The following RNF152 variants were observed in gnomAD, a reference collection of about 807,000 sequenced individuals.
The protein encoded by RNF152 is ring finger protein 152.
Under a neutral mutation model 12.7 loss-of-function variants are expected in RNF152, and 11 were observed. The observed-to-expected ratio is 0.86, with a 90% CI of 0.54 to 1.43. The LOEUF is 1.43. Ranked by LOEUF, RNF152 falls within the 40% of genes most tolerant of loss-of-function variation. The probability of loss-of-function intolerance (pLI) is 0.00; values close to 1 mark genes in which losing one functional copy is unlikely to be tolerated. For synonymous variants in RNF152, 113 were observed against 120.3 expected, an observed-to-expected ratio of 0.94 and a Z score of 0.40; for missense variants, 255 against 274.8, an observed-to-expected ratio of 0.93 and a Z score of 0.51.
intron 1 of RNF152, among the ~76,000 whole-genome samples, chr18:61,863,554 T>C (rs1252178332): frequency 2.0e-5 from 3 of 152,140 alleles, no homozygotes; most frequent in Non-Finnish European, 2.9e-5. Flanking sequence ...TTAATATCTT[T>C]GGGGAAAAAA....
chr18:61,894,272 G>T (rs1054426301), upstream of RNF152: 1 of 150,774 alleles, frequency 6.6e-6, no homozygotes, highest in Admixed American at 6.6e-5. This position sits in a 1 kb window ranked among gnomAD's most constrained non-coding sequence, Gnocchi z 4.9. Flanking sequence ...GGCGGCCGCC[G>T]CTCCTCCGGC....
chr18:61,864,164 C>T lies in RNF152; in HGVS notation c.-136+28631G>A, dbSNP rs74813643. Among the ~76,000 whole-genome samples the T allele has an allele frequency of 7.9e-5, 12 of 152,254 alleles. No individual in the cohort carries two copies. In the East Asian group the frequency reaches 9.7e-4, roughly 12 times the overall value. On this transcript the variant is annotated intron_variant, in intron 1 of 1. Transcript: ENST00000312828. ...CAATTCCATTTTGACCCTAACTACCCGGAGTCACAGACCCCACAGGTCAGG... is the reference window on the plus strand; with the variant it reads ...CAATTCCATTTTGACCCTAACTACCTGGAGTCACAGACCCCACAGGTCAGG...
chr18:61,878,017 T>C (rs1465042876), intron 1 of RNF152, among the ~76,000 whole-genome samples: 1 of 152,180 alleles, frequency 6.6e-6, no homozygotes, highest in Non-Finnish European at 1.5e-5. Flanking sequence ...TCCTAGGACT[T>C]CAGACTTCTC....
At position 61,808,633 on chromosome 18, in the gene RNF152, A is replaced by T. The variant is rs1912808594; in HGVS notation, c.*7219T>A. On this transcript the variant is annotated 3_prime_UTR_variant, in exon 2 of 2. Transcript: ENST00000312828. ...CAGCCCCAAGCTGAAACCAGCTTCTACACCCATGACTGTTGAGTGAGGCAA... is the reference window on the plus strand; with the variant it reads ...CAGCCCCAAGCTGAAACCAGCTTCTTCACCCATGACTGTTGAGTGAGGCAA... 6.6e-6 allele frequency: 1 copy of T among 152,202 alleles called. No homozygotes were observed. Among genetic ancestry groups the T allele is most frequent in the South Asian group, 2.1e-4 (1 of 4,832 alleles). 9.4% of individuals were successfully genotyped at this position (152,202 alleles called of 1,614,324 possible).
At chr18:61,851,826 T>C (rs1910994449) in intron 1 of RNF152, among the ~76,000 whole-genome samples, 1 of 152,200 alleles carries the variant, frequency 6.6e-6, no homozygotes, top group African/African-American at 2.4e-5. Flanking sequence ...ACAACCCCTA[T>C]CTGTTCTTAT....
At chr18:61,885,434 A>G (rs757910528) in intron 1 of RNF152, among the ~76,000 whole-genome samples, 1 of 152,110 alleles carries the variant, frequency 6.6e-6, no homozygotes, top group African/African-American at 2.4e-5. Context: ...CAGCCTCCCA[A>G]GTAGCTGGGA....
At chr18:61,820,287 C>T (rs769720335) in intron 1 of RNF152, among the ~76,000 whole-genome samples, 32 of 134,506 alleles carry the variant, frequency 2.4e-4, no homozygotes, top group South Asian at 1.2e-3. Flanking sequence ...AGAGATCGCA[C>T]CACTGCACTC....
chr18:61,811,795 A>G lies in RNF152; in HGVS notation c.*4057T>C, dbSNP rs1294679054. ...CACAAGACCCTAGACACAATTTCAC[A>G]GTACAGATCATGCATAGCTTGCAAG... On this transcript the variant is annotated 3_prime_UTR_variant, in exon 2 of 2. Transcript: ENST00000312828. The G allele has an allele frequency of 2.0e-5, 3 of 152,306 alleles. No individual in the cohort carries two copies. In the East Asian group the frequency reaches 5.8e-4, roughly 29 times the overall value. 9.4% of individuals were successfully genotyped at this position (152,306 alleles called of 1,614,324 possible).
intron 1 of RNF152, among the ~76,000 whole-genome samples, chr18:61,887,701 C>CAAAA (rs34170984): frequency 9.4e-5 from 10 of 105,926 alleles, no homozygotes; most frequent in Admixed American, 9.7e-5. Flanking sequence ...GACTCCATCT[C>CAAAA]AAAAAAAAAA....
chr18:61,854,102 C>T lies in RNF152; in HGVS notation c.-135-37504G>A, dbSNP rs76809447. Among the ~76,000 whole-genome samples, 1,356 of 152,322 alleles carry T rather than the reference C, an allele frequency of 8.9e-3. 17 individuals are homozygous for T. The highest frequency in any genetic ancestry group is 0.031 in the African/African-American group (1,270 of 41,558). On this transcript the variant is annotated intron_variant, in intron 1 of 1. Coordinates refer to ENST00000312828, the MANE Select transcript of RNF152 (RefSeq NM_173557.3). The stretch of plus-strand genomic sequence containing the variant: ...TTCTTTCTGCCACTGCTTATTGACT[C>T]CCCGTGACAAGGTGATGTTTGCAAT...
At chr18:61,889,249 AC>A (rs1212458638) in intron 1 of RNF152, among the ~76,000 whole-genome samples, 4 of 152,220 alleles carry the variant, frequency 2.6e-5, no homozygotes, top group African/African-American at 9.7e-5. Context: ...AACATAGTTT[AC>A]CACACCACTT....
At chr18:61,854,932 T>C (rs1330882984) in intron 1 of RNF152, among the ~76,000 whole-genome samples, 1 of 152,238 alleles carries the variant, frequency 6.6e-6, no homozygotes, top group Non-Finnish European at 1.5e-5. Context: ...TTTCCTGAAC[T>C]ACAGATAACT....
chr18:61,881,768 G>A (rs1270720148), intron 1 of RNF152, among the ~76,000 whole-genome samples: 2 of 152,104 alleles, frequency 1.3e-5, no homozygotes, highest in Admixed American at 6.5e-5. Context: ...CAAAGAGAGG[G>A]TTTAGCATCT....
At chr18:61,828,067 C>T (rs1171162288) in intron 1 of RNF152, among the ~76,000 whole-genome samples, 2 of 152,230 alleles carry the variant, frequency 1.3e-5, no homozygotes. Flanking sequence ...GTTCAGTGTA[C>T]AGTTCAACCA....
chr18:61,825,709 G>A (rs1169322048), intron 1 of RNF152, among the ~76,000 whole-genome samples: 4 of 152,112 alleles, frequency 2.6e-5, no homozygotes, highest in Non-Finnish European at 4.4e-5. Flanking sequence ...CAAGTAGCCA[G>A]GCTCCCTTGG....
At chr18:61,890,991 G>A (rs938579130) in intron 1 of RNF152, among the ~76,000 whole-genome samples, 1 of 152,140 alleles carries the variant, frequency 6.6e-6, no homozygotes, top group Non-Finnish European at 1.5e-5. Flanking sequence ...TACCTCTCTT[G>A]AGCTTCCATT....
intron 1 of RNF152, among the ~76,000 whole-genome samples, chr18:61,863,698 G>T (rs1002207958): frequency 6.6e-6 from 1 of 152,162 alleles, no homozygotes; most frequent in South Asian, 2.1e-4. Flanking sequence ...TACAAAGTGC[G>T]TTTTCCTGAT....
intron 1 of RNF152, chr18:61,888,734 T>G (rs767071689): frequency 2.6e-5 from 4 of 152,214 alleles, no homozygotes; most frequent in African/African-American, 9.6e-5. Context: ...TTTATCCCAA[T>G]TGTGATTTCA....
Position 61,816,519 on chromosome 18 carries a change from C to G in RNF152, c.-56G>C. The G allele has an allele frequency of 1.3e-6, 2 of 1,550,490 alleles. No homozygotes were observed. Among genetic ancestry groups the G allele is most frequent in the Non-Finnish European group, 1.7e-6 (2 of 1,144,142 alleles). ...AGGTGAAGGGGAAGGAGCTGCTTCT[C>G]AGAGGCCACCGCCCTGTGTCTTTGC... On this transcript the variant is annotated 5_prime_UTR_variant, in exon 2 of 2. Transcript: ENST00000312828.
Sources: allele counts gnomAD v4.1 joint callset (sites outside exome capture counted in the v4.1 genomes callset), GRCh38; gene constraint gnomAD v4.1.1; non-coding constraint Gnocchi (gnomAD v3.1); transcripts MANE v1.5; gene names NCBI Gene and HGNC (gene_info 2026-07-23, HGNC 2026-07-21).